EFHB: variants seen among roughly 807,000 people sequenced by gnomAD.
EFHB encodes the protein EF-hand domain-containing family member B.
A neutral mutation model predicts 87.2 loss-of-function variants in EFHB; 91 were observed. That is an observed-to-expected ratio of 1.04 (90% CI 0.88 to 1.24). The LOEUF is 1.24. Among genes scored for constraint, EFHB ranks in the 50% most tolerant of loss-of-function variants. The pLI is 0.00. For synonymous variants in EFHB, 325 were observed against 333.6 expected, an observed-to-expected ratio of 0.97 and a Z score of 0.28; for missense variants, 1,084 against 998.8, an observed-to-expected ratio of 1.09 and a Z score of -1.15.
intron 1 of EFHB, among the ~76,000 whole-genome samples, chr3:19,939,410 T>G (rs1696100962): frequency 1.0e-5 from 1 of 97,316 alleles, no homozygotes; most frequent in Non-Finnish European, 2.1e-5. Flanking sequence ...TGGGATGGAG[T>G]CTCACTCTGT....
At chr3:19,901,769 G>C (rs897177002) in intron 6 of EFHB, among the ~76,000 whole-genome samples, 1 of 152,058 alleles carries the variant, frequency 6.6e-6, no homozygotes, top group African/African-American at 2.4e-5. Flanking sequence ...GGCCCACATG[G>C]CAAAACCCCA....
intron 5 of EFHB, among the ~76,000 whole-genome samples, chr3:19,911,892 C>G (rs1695075754): frequency 6.6e-6 from 1 of 152,124 alleles, no homozygotes; most frequent in South Asian, 2.1e-4. Flanking sequence ...GCAAAGATCA[C>G]TTGAGCCCAG....
At chr3:19,900,926 C>A (rs1410483055) in intron 6 of EFHB, among the ~76,000 whole-genome samples, 116 of 135,056 alleles carry the variant, frequency 8.6e-4, no homozygotes, top group South Asian at 1.6e-3. Flanking sequence ...GAGCCTGTCT[C>A]AAAAAAAAAA....
At chr3:19,883,237 T>C (rs919196835) in intron 11 of EFHB, among the ~76,000 whole-genome samples, 2 of 151,918 alleles carry the variant, frequency 1.3e-5, no homozygotes, top group Non-Finnish European at 2.9e-5. Flanking sequence ...CTCACCTCAA[T>C]TGATCCTCCC....
chr3:19,938,436 T>C (rs1696072372), upstream of EFHB, among the ~76,000 whole-genome samples: 1 of 152,212 alleles, frequency 6.6e-6, no homozygotes, highest in Non-Finnish European at 1.5e-5. Flanking sequence ...AATTTTGAAA[T>C]GCATAAAGTG....
chr3:19,923,456 C>A (rs1008025459), intron 1 of EFHB, among the ~76,000 whole-genome samples: 6 of 152,180 alleles, frequency 3.9e-5, no homozygotes, highest in African/African-American at 1.4e-4. Flanking sequence ...CTTTCAACCT[C>A]AGCTCACTGC....
At chr3:19,896,483 C>G in intron 9 of EFHB, 1 of 705,594 alleles carries the variant, frequency 1.4e-6, no homozygotes, top group African/African-American at 1.7e-5. Context: ...TACTACCTAA[C>G]TCTGTATTCA....
chr3:19,903,169 T>C (rs1355699942), intron 6 of EFHB, among the ~76,000 whole-genome samples: 5 of 143,404 alleles, frequency 3.5e-5, no homozygotes, highest in Non-Finnish European at 7.8e-5. Context: ...AGAGGGAGAC[T>C]CCATCTCAAA....
At chr3:19,940,325 A>T in intron 1 of EFHB, 1 of 298,528 alleles carries the variant, frequency 3.3e-6, no homozygotes, top group Middle Eastern at 1.3e-3. Flanking sequence ...CCAACAGTGA[A>T]TCCCCTAGGC....
intron 1 of EFHB, among the ~76,000 whole-genome samples, chr3:19,928,140 T>C (rs1164191026): frequency 6.6e-6 from 1 of 151,716 alleles, no homozygotes; most frequent in East Asian, 1.9e-4. Context: ...AAAATCCTAG[T>C]GAAACACTGG....
intron 4 of EFHB, among the ~76,000 whole-genome samples, chr3:19,916,478 G>A (rs1695236482): frequency 6.6e-6 from 1 of 151,742 alleles, no homozygotes; most frequent in Non-Finnish European, 1.5e-5. Flanking sequence ...TCACGACACT[G>A]CACTCCAGCC....
intron 4 of EFHB, 83 bp from the exon 5 acceptor site, chr3:19,915,496 A>C (rs543473770): frequency 7.2e-6 from 6 of 832,404 alleles, no homozygotes; most frequent in African/African-American, 6.9e-5. Context: ...AACAAATGAG[A>C]AATTAGGTAT....
In EFHB at chr3:19,918,271, C is replaced by T; in HGVS notation, c.1138G>A (p.Asp380Asn). The change falls in exon 4 of 13, where the codon GAC becomes AAC. Residue 380 changes from aspartate (D) to asparagine (N), a missense_variant. By Grantham distance (23) the Asp-to-Asn change is conservative (BLOSUM62 1). Transcript: ENST00000295824. The part of the protein sequence containing the change: ...DQAPGLPKGM[D>N]TTNTTFGTAV... Reference sequence around the variant, plus strand: ...GTCCCAAATGTCGTATTGGTTGTGTCCATGCCTTTTGGTAATCCTGGTGCT... The same window carrying T: ...GTCCCAAATGTCGTATTGGTTGTGTTCATGCCTTTTGGTAATCCTGGTGCT... The T allele has an allele frequency of 1.2e-6, 2 of 1,612,742 alleles. No individual in the cohort carries two copies. The highest frequency in any genetic ancestry group is 2.2e-5 in the South Asian group (2 of 90,734).
Position 19,879,797 on chromosome 3 carries a change from T to G in EFHB, c.2336A>C (p.Glu779Ala). ...FKTRSKEEIA[E>A]ILCNIGVKLS... ...TTTGACACCAATGTTACACAATATC[T>G]CTGCAATCTAGAAAAAGGCATTTAA... Residue 779 changes from glutamate (E) to alanine (A), a missense_variant, in exon 13 of 13, where the codon GAG (glutamate) becomes GCG (alanine). Physicochemically the swap from Glu to Ala is moderately radical, Grantham distance 107 (BLOSUM62 -1). Transcript: ENST00000295824. 5.1e-6 allele frequency: 8 copies of G among 1,582,960 alleles called. No homozygotes were observed. The highest frequency in any genetic ancestry group is 6.8e-6 in the Non-Finnish European group (8 of 1,168,668).
chr3:19,938,893 A>G (rs1405274667), upstream of EFHB, among the ~76,000 whole-genome samples: 1 of 151,808 alleles, frequency 6.6e-6, no homozygotes, highest in Non-Finnish European at 1.5e-5. Flanking sequence ...GGGCTATTTT[A>G]TGACTTTCTG....
intron 1 of EFHB, among the ~76,000 whole-genome samples, chr3:19,926,211 T>C (rs928913753): frequency 6.6e-6 from 1 of 152,194 alleles, no homozygotes; most frequent in Non-Finnish European, 1.5e-5. Context: ...ATGACATTTG[T>C]CATATCATAA....
intron 6 of EFHB, among the ~76,000 whole-genome samples, chr3:19,901,824 C>T (rs1186173231): frequency 6.6e-6 from 1 of 151,990 alleles, no homozygotes; most frequent in Non-Finnish European, 1.5e-5. Context: ...GTGATGGGCA[C>T]CTGTAATCCC....
At chr3:19,889,345 T>C (rs1490926154) in intron 9 of EFHB, among the ~76,000 whole-genome samples, 1 of 152,192 alleles carries the variant, frequency 6.6e-6, no homozygotes, top group East Asian at 1.9e-4. Flanking sequence ...TCCTGCAGTC[T>C]ATCAAGCCAA....
rs150758458 is a variant in EFHB at position 19,883,403 on chromosome 3, T to G, written c.2147-672A>C. 3.3e-5 allele frequency among the ~76,000 whole-genome samples: 5 copies of G among 152,364 alleles called. No homozygotes were observed. The East Asian group carries it at 9.6e-4, about 29-fold the overall frequency. On this transcript the variant is annotated intron_variant, in intron 11 of 12. Coordinates refer to ENST00000295824, the MANE Select transcript of EFHB (RefSeq NM_144715.4). ...CGAGAGTAACAAGATTTCATTACTC[T>G]AGAATGTATAGCATGTCTATAAAAA...
Sources: allele counts gnomAD v4.1 joint callset (sites outside exome capture counted in the v4.1 genomes callset), GRCh38; gene constraint gnomAD v4.1.1; transcripts MANE v1.5; gene names NCBI Gene and HGNC (gene_info 2026-07-23, HGNC 2026-07-21).